GSK3B: variants seen among roughly 807,000 people sequenced by gnomAD.
GSK3B encodes the protein glycogen synthase kinase 3 beta.
In GSK3B, 15 loss-of-function variants were observed where a neutral mutation model predicts 56.4. The observed-to-expected ratio is 0.27, with a 90% CI of 0.18 to 0.41. The LOEUF (loss-of-function observed/expected upper bound fraction) is 0.41. GSK3B is among the 10% of genes least tolerant of loss of function. The pLI is 1.00. For synonymous variants in GSK3B, 181 were observed against 188.9 expected (o/e 0.96, Z 0.34); for missense variants, 300 against 513.4 (o/e 0.58, Z 4.02).
In GSK3B at chr3:120,079,274, C is replaced by T. The variant is rs144841086; in HGVS notation, c.88+14073G>A. ...CTATCCTTTGAAAAAGCACAACTCT[C>T]CTTTAATTTTCTACAACCTTGACAG... On this transcript the variant is annotated intron_variant, in intron 1 of 10. Coordinates refer to ENST00000264235, the MANE Select transcript of GSK3B (RefSeq NM_001146156.2). Among the ~76,000 whole-genome samples, 1,093 of 143,920 alleles carry T rather than the reference C, an allele frequency of 7.6e-3. 14 individuals carry two copies. The highest frequency in any genetic ancestry group is 0.026 in the African/African-American group (1,009 of 38,850). 94.4% of individuals were successfully genotyped at this position (143,920 alleles called of 152,430 possible).
rs146903845 is a variant in GSK3B at position 119,967,927 on chromosome 3, C to T, written c.283-20576G>A. ...CTGGAGTGCAGTGGCACAATCTCCA[C>T]TCACTAGAACCTCTGCCTCCCGGAT... is the stretch of plus-strand genomic sequence containing the variant. On this transcript the variant is annotated intron_variant, in intron 2 of 10. Coordinates refer to ENST00000264235, the MANE Select transcript of GSK3B (RefSeq NM_001146156.2). 5.0e-3 allele frequency among the ~76,000 whole-genome samples: 753 copies of T among 152,000 alleles called. 7 individuals carry two copies. Among genetic ancestry groups the T allele is most frequent in the African/African-American group, 0.018 (732 of 41,430 alleles).
At chr3:119,842,150 C>CTTTTAAG (rs1468328603) in intron 10 of GSK3B, among the ~76,000 whole-genome samples, 2 of 152,250 alleles carry the variant, frequency 1.3e-5, no homozygotes, top group Admixed American at 1.3e-4. Context: ...TAACTTAAAA[C>CTTTTAAG]TTTTAAGTTT....
At chr3:119,846,474 C>T (rs775867556) in intron 9 of GSK3B, among the ~76,000 whole-genome samples, 6 of 151,950 alleles carry the variant, frequency 3.9e-5, no homozygotes, top group South Asian at 4.2e-4. Flanking sequence ...AAAAAGTGGG[C>T]GAAAGATATG....
intron 2 of GSK3B, among the ~76,000 whole-genome samples, chr3:119,953,548 C>G (rs1435288343): frequency 6.6e-6 from 1 of 152,128 alleles, no homozygotes; most frequent in Admixed American, 6.5e-5. Context: ...CAGAGACAGA[C>G]AGAGAGAGAG....
At chr3:119,896,539 T>C (rs2056568676) in intron 7 of GSK3B, among the ~76,000 whole-genome samples, 1 of 150,452 alleles carries the variant, frequency 6.6e-6, no homozygotes, top group Admixed American at 6.6e-5. Flanking sequence ...ACTGTCTTAA[T>C]ATCTTATACA....
At chr3:120,069,609 C>T (rs529219555) in intron 1 of GSK3B, among the ~76,000 whole-genome samples, 8 of 150,828 alleles carry the variant, frequency 5.3e-5, no homozygotes, top group South Asian at 2.1e-4. Flanking sequence ...CAATACCTAA[C>T]GGTCAATACA....
intron 2 of GSK3B, among the ~76,000 whole-genome samples, chr3:119,979,220 A>G (rs1021316353): frequency 2.0e-5 from 3 of 152,212 alleles, no homozygotes; most frequent in African/African-American, 7.2e-5. Context: ...GCAAATGGCA[A>G]GAGGTTCTCT....
At chr3:119,994,501 T>C (rs946687568) in intron 2 of GSK3B, among the ~76,000 whole-genome samples, 16 of 152,136 alleles carry the variant, frequency 1.1e-4, no homozygotes. Context: ...ATATTCCTTA[T>C]AATTATGAAG....
chr3:120,031,451 C>A (rs959627111), intron 1 of GSK3B, among the ~76,000 whole-genome samples: 1 of 152,182 alleles, frequency 6.6e-6, no homozygotes, highest in African/African-American at 2.4e-5. Context: ...TGAAAGGCGA[C>A]TGAGGATAAG....
At chr3:120,030,157 C>T (rs1232575648) in intron 1 of GSK3B, among the ~76,000 whole-genome samples, 2 of 152,166 alleles carry the variant, frequency 1.3e-5, no homozygotes, top group Non-Finnish European at 2.9e-5. Flanking sequence ...ACTCTGCTCA[C>T]TTGAGGTCCT....
intron 10 of GSK3B, among the ~76,000 whole-genome samples, chr3:119,840,311 G>T (rs974115837): frequency 1.3e-5 from 2 of 150,232 alleles, no homozygotes; most frequent in Admixed American, 1.3e-4. Context: ...TGCAACCTCC[G>T]CCTCCCAGGT....
chr3:120,061,048 A>G (rs2058231893), intron 1 of GSK3B, among the ~76,000 whole-genome samples: 1 of 152,212 alleles, frequency 6.6e-6, no homozygotes, highest in Non-Finnish European at 1.5e-5. Context: ...CTGTCATCAA[A>G]AAAACACCAT....
chr3:119,837,978 C>T (rs527515512), intron 10 of GSK3B, among the ~76,000 whole-genome samples: 34 of 141,378 alleles, frequency 2.4e-4, no homozygotes, highest in African/African-American at 8.6e-4. Context: ...ATATTTCAGT[C>T]GACATAAGAA....
chr3:120,008,485 A>G (rs918142287), intron 1 of GSK3B, among the ~76,000 whole-genome samples: 6 of 152,228 alleles, frequency 3.9e-5, no homozygotes, highest in Non-Finnish European at 7.3e-5. Context: ...TAATCCAAAC[A>G]GCATGGTACT....
rs555507586 is a variant in GSK3B, at chr3:119,958,556, T to C, written c.283-11205A>G. 3.3e-3 allele frequency among the ~76,000 whole-genome samples: 506 copies of C among 152,176 alleles called. 1 individual carries two copies. Among genetic ancestry groups the C allele is most frequent in the Admixed American group, 6.1e-3 (93 of 15,282 alleles). On this transcript the variant is annotated intron_variant, in intron 2 of 10. Coordinates refer to ENST00000264235, the MANE Select transcript of GSK3B (RefSeq NM_001146156.2). ...AGCTGGGCATGGTGATGCACACCTG[T>C]GTTCCTAGCTACTCGGGAGACTGAG...
Position 120,029,613 on chromosome 3 carries a change from C to T in GSK3B, c.89-27374G>A, listed in dbSNP as rs1653862887. On this transcript the variant is annotated intron_variant, in intron 1 of 10. Transcript: ENST00000264235. Reference sequence around the variant, plus strand: ...CTGCACTAAGATCCCAGAAGGGAGGCTTGCCATTATTTCCCTTCAGATGTT... The same window carrying T: ...CTGCACTAAGATCCCAGAAGGGAGGTTTGCCATTATTTCCCTTCAGATGTT... 15 of 566,578 alleles carry T rather than the reference C, an allele frequency of 2.6e-5. 1 individual carries two copies. The highest frequency in any genetic ancestry group is 2.1e-4 in the South Asian group (13 of 62,720). The allele number at this position is 566,578 out of a possible 1,614,324, so 35.1% of individuals were successfully genotyped here.
At chr3:119,831,483 C>CCA (rs2055597958) in intron 10 of GSK3B, among the ~76,000 whole-genome samples, 1 of 152,034 alleles carries the variant, frequency 6.6e-6, no homozygotes, top group Non-Finnish European at 1.5e-5. Flanking sequence ...CGGTGAAACC[C>CCA]TGACTCTACT....
chr3:119,961,829 G>A (rs1368952407), intron 2 of GSK3B, among the ~76,000 whole-genome samples: 1 of 152,024 alleles, frequency 6.6e-6, no homozygotes, highest in African/African-American at 2.4e-5. Flanking sequence ...TTAATGATGA[G>A]TACCCATATA....
At chr3:120,066,757 T>C (rs2058283684) in intron 1 of GSK3B, among the ~76,000 whole-genome samples, 1 of 152,228 alleles carries the variant, frequency 6.6e-6, no homozygotes, top group African/African-American at 2.4e-5. Context: ...ACAGTCTGTC[T>C]TAACTACTTA....
Sources: gnomAD v4.1 joint callset for allele counts (sites outside exome capture counted in the v4.1 genomes callset) on GRCh38, gnomAD v4.1.1 for gene constraint, MANE v1.5 for transcripts, NCBI Gene and HGNC (gene_info 2026-07-23, HGNC 2026-07-21) for gene names.